SLC16A10: variants seen among roughly 807,000 people sequenced by gnomAD.
SLC16A10 encodes the protein solute carrier family 16 member 10.
A neutral mutation model predicts 40.0 loss-of-function variants in SLC16A10; 27 were observed. That is an observed-to-expected ratio of 0.67 (90% CI 0.50 to 0.93). The LOEUF is 0.93. Ranked by LOEUF, SLC16A10 falls within the 40% of genes least tolerant of loss-of-function variation. The pLI is 0.00. For missense variants in SLC16A10, 529 were observed against 658.2 expected (o/e 0.80, Z 2.15); for synonymous variants, 213 against 249.8 (o/e 0.85, Z 1.39).
rs1238444863 is a variant in SLC16A10 at position 111,222,825 on chromosome 6, A to T, written c.*590A>T. The stretch of plus-strand genomic sequence containing the variant: ...GGACCTTCTGGGAGCAGGTGCTAAC[A>T]TAGTGTTCAGAATCAATATGTGAGA... On this transcript the variant is annotated 3_prime_UTR_variant, in exon 6 of 6. Transcript: ENST00000368851. 1 of 153,292 alleles carries T rather than the reference A, an allele frequency of 6.5e-6. No individual in the cohort carries two copies. The highest frequency in any genetic ancestry group is 1.4e-5 in the Non-Finnish European group (1 of 68,978). 9.5% of individuals were successfully genotyped at this position (153,292 alleles called of 1,614,324 possible).
At chr6:111,154,877 A>G (rs1772239376) in intron 1 of SLC16A10, among the ~76,000 whole-genome samples, 1 of 152,044 alleles carries the variant, frequency 6.6e-6, no homozygotes, top group Non-Finnish European at 1.5e-5. Flanking sequence ...TACAAAAATT[A>G]GCTGGGCGTG....
rs1770912836 is a variant in SLC16A10, at chr6:111,222,085, T to C, written c.1398T>C (p.Leu466=). ...GVPPLIGGAV[L]CFIPWIHSKK... ...CTCCCCTTATTGGAGGTGCTGTGCT[T>C]TGTTTTATCCCGTGGATCCATAGTA... Residue 466 remains leucine, a synonymous_variant, in exon 6 of 6, where the codon CTT becomes CTC. Coordinates refer to ENST00000368851, the MANE Select transcript of SLC16A10 (RefSeq NM_018593.5). 6.2e-7 allele frequency: 1 copy of C among 1,610,018 alleles called. No homozygotes were observed. The highest frequency in any genetic ancestry group is 1.3e-5 in the African/African-American group (1 of 74,548).
intron 3 of SLC16A10, among the ~76,000 whole-genome samples, chr6:111,183,684 G>A (rs373230068): frequency 1.3e-5 from 2 of 152,154 alleles, no homozygotes; most frequent in African/African-American, 4.8e-5. Context: ...AGGAAACCTC[G>A]GAATAATTGA....
chr6:111,213,241 C>G (rs1201088906), intron 4 of SLC16A10, among the ~76,000 whole-genome samples: 1 of 152,160 alleles, frequency 6.6e-6, no homozygotes, highest in African/African-American at 2.4e-5. Context: ...CACAGGAACG[C>G]TCTGGAAGGA....
intron 3 of SLC16A10, among the ~76,000 whole-genome samples, chr6:111,192,048 T>C (rs993056558): frequency 6.6e-6 from 1 of 152,216 alleles, no homozygotes; most frequent in Non-Finnish European, 1.5e-5. Context: ...ATTTTGGCTT[T>C]TGTTGCCATT....
intron 1 of SLC16A10, among the ~76,000 whole-genome samples, chr6:111,165,606 C>T (rs1583338564): frequency 6.6e-6 from 1 of 152,168 alleles, no homozygotes; most frequent in East Asian, 1.9e-4. Flanking sequence ...TTGAACTTTA[C>T]CAAAAGTAAC....
chr6:111,159,693 GT>G (rs1772336572), intron 1 of SLC16A10, among the ~76,000 whole-genome samples: 2 of 152,184 alleles, frequency 1.3e-5, no homozygotes, highest in Admixed American at 1.3e-4. Context: ...CATATGGTAG[GT>G]TTATGTTTAA....
chr6:111,125,666 T>A (rs528090662), intron 1 of SLC16A10, among the ~76,000 whole-genome samples: 1 of 152,198 alleles, frequency 6.6e-6, no homozygotes, highest in East Asian at 1.9e-4. Flanking sequence ...TCCATAAGAG[T>A]TTATATTTAT....
At position 111,088,193 on chromosome 6, in the gene SLC16A10, T is replaced by C. The variant is rs1422435370; in HGVS notation, c.343+98T>C. On this transcript the variant is annotated intron_variant, in intron 1 of 5. Coordinates refer to ENST00000368851, the MANE Select transcript of SLC16A10 (RefSeq NM_018593.5). The stretch of plus-strand genomic sequence containing the variant: ...CTGTGTCTGCCTCCGAGTGTGCATG[T>C]CGGTGGGTCCCTGTGCCAGAGGGTG... 9.5e-6 allele frequency: 12 copies of C among 1,261,352 alleles called. No individual in the cohort carries two copies. The African/African-American group carries it at 1.5e-4, about 16-fold the overall frequency. 78.1% of individuals were successfully genotyped at this position (1,261,352 alleles called of 1,614,324 possible).
chr6:111,215,046 G>A (rs1583367202), intron 4 of SLC16A10, among the ~76,000 whole-genome samples: 1 of 152,014 alleles, frequency 6.6e-6, no homozygotes, highest in East Asian at 1.9e-4. Flanking sequence ...GTGAACCTGG[G>A]AGGCAGATCT....
intron 3 of SLC16A10, chr6:111,178,467 C>T (rs148402763): frequency 1.3e-5 from 7 of 529,408 alleles, no homozygotes; most frequent in East Asian, 1.1e-4. Flanking sequence ...TGGTGCCTCA[C>T]GCCTGTAATC....
intron 3 of SLC16A10, among the ~76,000 whole-genome samples, chr6:111,194,414 A>C (rs1020249500): frequency 3.3e-5 from 5 of 152,228 alleles, no homozygotes; most frequent in Non-Finnish European, 7.3e-5. Context: ...TTCAATGTGA[A>C]ATAACTTAAA....
At chr6:111,160,779 T>TTC (rs367698299) in intron 1 of SLC16A10, among the ~76,000 whole-genome samples, 5 of 151,538 alleles carry the variant, frequency 3.3e-5, no homozygotes, top group African/African-American at 4.8e-5. Context: ...CAGGTGGTTT[T>TTC]TCTCTCTCTC....
chr6:111,143,509 T>A lies in SLC16A10; in HGVS notation c.344-29186T>A, dbSNP rs948272429. 4.5e-4 allele frequency among the ~76,000 whole-genome samples: 68 copies of A among 152,264 alleles called. 1 individual carries two copies. The highest frequency in any genetic ancestry group is 2.9e-3 in the South Asian group (14 of 4,826). ...AAGTAGGAGCCCAGCTAATTTTTTT[T>A]AAAATTTTTGTAGAGATGGAGCCTT... is the stretch of plus-strand genomic sequence containing the variant. On this transcript the variant is annotated intron_variant, in intron 1 of 5. Transcript: ENST00000368851.
chr6:111,181,717 CA>C (rs1772794892), intron 3 of SLC16A10, among the ~76,000 whole-genome samples: 1 of 152,152 alleles, frequency 6.6e-6, no homozygotes, highest in Non-Finnish European at 1.5e-5. Context: ...TGCTTGCTTT[CA>C]AAGTGAGGTT....
intron 1 of SLC16A10, among the ~76,000 whole-genome samples, chr6:111,110,448 G>A (rs1771366199): frequency 1.3e-5 from 2 of 152,058 alleles, no homozygotes; most frequent in Non-Finnish European, 2.9e-5. Flanking sequence ...AATTGATGGG[G>A]TAAGGTTCAT....
At chr6:111,133,806 G>A (rs1771828424) in intron 1 of SLC16A10, among the ~76,000 whole-genome samples, 1 of 152,080 alleles carries the variant, frequency 6.6e-6, no homozygotes, top group Non-Finnish European at 1.5e-5. Context: ...GAACCAAAGA[G>A]TGCCAATATT....
chr6:111,168,889 C>G (rs1215257861), intron 1 of SLC16A10, among the ~76,000 whole-genome samples: 1 of 152,122 alleles, frequency 6.6e-6, no homozygotes, highest in African/African-American at 2.4e-5. Context: ...CTTGAGAAAA[C>G]GGTGCTGTGT....
At chr6:111,199,698 G>A (rs1240327565) in intron 3 of SLC16A10, among the ~76,000 whole-genome samples, 1 of 151,782 alleles carries the variant, frequency 6.6e-6, no homozygotes, top group Non-Finnish European at 1.5e-5. Context: ...TATTTAAACT[G>A]GCATCTAAAT....
Sources: gnomAD v4.1 joint callset for allele counts (sites outside exome capture counted in the v4.1 genomes callset) on GRCh38, gnomAD v4.1.1 for gene constraint, MANE v1.5 for transcripts, NCBI Gene and HGNC (gene_info 2026-07-23, HGNC 2026-07-21) for gene names.